The following CCNT1 variants were observed in gnomAD, a reference collection of about 807,000 sequenced individuals.
CCNT1 encodes cyclin T1.
In CCNT1, 18 loss-of-function variants were observed where a neutral mutation model predicts 67.3. The ratio of observed to expected loss-of-function variants is 0.27; its 90% CI spans 0.18 to 0.40. CCNT1 has a LOEUF of 0.40. Ranked by LOEUF, CCNT1 falls within the 10% of genes least tolerant of loss-of-function variation. The probability of loss-of-function intolerance (pLI) is 1.00; values close to 1 mark genes in which losing one functional copy is unlikely to be tolerated. For missense variants in CCNT1, 744 were observed against 884.9 expected (o/e 0.84, Z 2.02); for synonymous variants, 333 against 310.3 (o/e 1.07, Z -0.77).
At chr12:48,698,062 T>C in intron 6 of CCNT1, 76 bp downstream of exon 6, 1 of 851,738 alleles carries the variant, frequency 1.2e-6, no homozygotes, top group East Asian at 2.6e-5. Flanking sequence ...CAGAGAATTA[T>C]CTATAGCACA....
At position 48,690,650 on chromosome 12, in the gene CCNT1, C is replaced by T. The variant is rs1349619418; in HGVS notation, c.*2383G>A. 1.3e-5 allele frequency: 2 copies of T among 152,040 alleles called. No individual in the cohort carries two copies. Among genetic ancestry groups the T allele is most frequent in the East Asian group, 1.9e-4 (1 of 5,186 alleles). The allele number at this position is 152,040 out of a possible 1,614,324, so 9.4% of individuals were successfully genotyped here. On this transcript the variant is annotated 3_prime_UTR_variant, in exon 9 of 9. Coordinates refer to ENST00000261900, the MANE Select transcript of CCNT1 (RefSeq NM_001240.4). ...AGCAATGATCTACTAGTGCAAAGGC[C>T]GGACTACACGGCACAAAGCAACTCT...
chr12:48,699,860 G>A lies in CCNT1; in HGVS notation c.434-20C>T, dbSNP rs1258441015. ...CAAAGCCTTAAAAGAAAAAGTAATG[G>A]ATTAAAAAACTATTAAGAAGTTTAC... On this transcript the variant is annotated intron_variant, in intron 4 of 8. Transcript: ENST00000261900. 1.3e-6 allele frequency: 2 copies of A among 1,498,706 alleles called. No individual in the cohort carries two copies. The highest frequency in any genetic ancestry group is 2.3e-5 in the East Asian group (1 of 43,794). The allele number at this position is 1,498,706 out of a possible 1,614,324, so 92.8% of individuals were successfully genotyped here.
In CCNT1 at chr12:48,692,564, T is replaced by G. The variant is rs1367232259; in HGVS notation, c.*469A>C. On this transcript the variant is annotated 3_prime_UTR_variant, in exon 9 of 9. Coordinates refer to ENST00000261900, the MANE Select transcript of CCNT1 (RefSeq NM_001240.4). ...AAAATCCCTATCCCCTTCCCAATTA[T>G]ATAAAAAAACTAAACAGATAACTTA... is the stretch of plus-strand genomic sequence containing the variant. The G allele has an allele frequency of 6.4e-6, 1 of 155,454 alleles. No individual in the cohort carries two copies. The highest frequency in any genetic ancestry group is 1.9e-4 in the East Asian group (1 of 5,256). 9.6% of individuals were successfully genotyped at this position (155,454 alleles called of 1,614,324 possible). A position where few individuals can be genotyped will look rare whatever the true frequency, so the allele number is the denominator to read the frequency against.
Position 48,690,012 on chromosome 12 carries a change from G to A in CCNT1, c.*3021C>T, listed in dbSNP as rs1940047812. On this transcript the variant is annotated 3_prime_UTR_variant, in exon 9 of 9. Transcript: ENST00000261900. ...AAAAAGGAAGAAAAAAGAAGTTGAGGCTCTCTGATATGGACATACACTGAT... is the reference window on the plus strand; with the variant it reads ...AAAAAGGAAGAAAAAAGAAGTTGAGACTCTCTGATATGGACATACACTGAT... 6.6e-6 allele frequency: 1 copy of A among 152,138 alleles called. No individual in the cohort carries two copies. Among genetic ancestry groups the A allele is most frequent in the African/African-American group, 2.4e-5 (1 of 41,432 alleles). The allele number at this position is 152,138 out of a possible 1,614,324, so 9.4% of individuals were successfully genotyped here.
intron 6 of CCNT1, 84 bp downstream of exon 6, chr12:48,698,054 G>T: frequency 1.3e-6 from 1 of 761,920 alleles, no homozygotes; most frequent in Non-Finnish European, 2.0e-6. Flanking sequence ...ACATTCACCA[G>T]AGAATTATCT....
intron 2 of CCNT1, 40 bp from the exon 3 acceptor site, chr12:48,705,936 A>T: frequency 6.3e-7 from 1 of 1,583,036 alleles, no homozygotes; most frequent in South Asian, 1.1e-5. Context: ...TTATCAATTT[A>T]TTCATTCATA....
chr12:48,714,800 A>AT (rs1422723232), intron 1 of CCNT1, among the ~76,000 whole-genome samples: 2 of 152,222 alleles, frequency 1.3e-5, no homozygotes, highest in East Asian at 1.9e-4. Flanking sequence ...ATCTAGACAG[A>AT]TTTTTTTAAA....
chr12:48,701,928 G>C (rs181893877), intron 3 of CCNT1, among the ~76,000 whole-genome samples: 6 of 144,614 alleles, frequency 4.1e-5, no homozygotes, highest in Middle Eastern at 4.5e-3. Flanking sequence ...AGGGAGTCTC[G>C]CTCTGCTGCT....
At chr12:48,701,857 C>T (rs1940275149) in intron 3 of CCNT1, among the ~76,000 whole-genome samples, 1 of 152,032 alleles carries the variant, frequency 6.6e-6, no homozygotes, top group African/African-American at 2.4e-5. Flanking sequence ...CCGCCCACCT[C>T]GGCCTCCCAA....
chr12:48,712,565 G>C (rs1317078221), intron 2 of CCNT1, among the ~76,000 whole-genome samples: 4 of 115,534 alleles, frequency 3.5e-5, no homozygotes, highest in African/African-American at 6.8e-5. Flanking sequence ...TGCCCAGCAG[G>C]ATAATCTTTT....
chr12:48,706,044 A>C, intron 2 of CCNT1, 148 bp from the exon 3 acceptor site: 1 of 636,344 alleles, frequency 1.6e-6, no homozygotes, highest in Non-Finnish European at 2.6e-6. Flanking sequence ...CCCCGCTTCT[A>C]CCATCTTCCC....
intron 3 of CCNT1, 148 bp from the exon 4 acceptor site, chr12:48,701,221 T>A (rs1414980361): frequency 4.0e-5 from 3 of 74,542 alleles, no homozygotes; most frequent in East Asian, 1.1e-3. Context: ...TACAATCTTT[T>A]TTTTTTTTTT....
At chr12:48,715,884 C>A (rs1940525899) in intron 1 of CCNT1, among the ~76,000 whole-genome samples, 1 of 152,202 alleles carries the variant, frequency 6.6e-6, no homozygotes, top group South Asian at 2.1e-4. Context: ...AAACTAACAT[C>A]TTTCCTCTGA....
chr12:48,702,899 T>A lies in CCNT1; in HGVS notation c.373-1826A>T, dbSNP rs912272744. ...CTTTGGGAGGCCAGTATGGGAGGATTCTTTGAAGGCCAAGAGTTCAAGACC... is the reference window on the plus strand; with the variant it reads ...CTTTGGGAGGCCAGTATGGGAGGATACTTTGAAGGCCAAGAGTTCAAGACC... On this transcript the variant is annotated intron_variant, in intron 3 of 8. Coordinates refer to ENST00000261900, the MANE Select transcript of CCNT1 (RefSeq NM_001240.4). Among the ~76,000 whole-genome samples, 11 of 151,426 alleles carry A rather than the reference T, an allele frequency of 7.3e-5. No individual in the cohort carries two copies. The East Asian group carries it at 2.0e-3, about 27-fold the overall frequency.
At chr12:48,715,204 T>A (rs1432503497) in intron 1 of CCNT1, among the ~76,000 whole-genome samples, 2 of 152,202 alleles carry the variant, frequency 1.3e-5, no homozygotes, top group Non-Finnish European at 2.9e-5. Flanking sequence ...AACTCCATAC[T>A]GACAGGATGC....
In CCNT1 at chr12:48,693,913, G is replaced by A; in HGVS notation, c.1301C>T (p.Ser434Leu). Reference sequence around the variant, plus strand: ...CTCTATGGGCATTTTTAGAATGACTGAAGAATGGCTATCATGATGAGAAAG... The same window carrying A: ...CTCTATGGGCATTTTTAGAATGACTAAAGAATGGCTATCATGATGAGAAAG... The part of the protein sequence containing the change: ...NLLSHHDSHS[S>L]VILKMPIEGS... The change falls in exon 9 of 9, where the codon TCA (serine) becomes TTA (leucine). Residue 434 changes from serine (S) to leucine (L), a missense_variant. Ser to Leu is a moderately radical substitution (Grantham distance 145). Transcript: ENST00000261900. 1 of 1,614,116 alleles carries A rather than the reference G, an allele frequency of 6.2e-7. No homozygotes were observed. The highest frequency in any genetic ancestry group is 8.5e-7 in the Non-Finnish European group (1 of 1,180,048).
rs71705013 is a variant in CCNT1 at position 48,688,844 on chromosome 12, G to GA, written c.*4188dup. 1 of 151,916 alleles carries GA rather than the reference G, an allele frequency of 6.6e-6. No individual in the cohort carries two copies. The highest frequency in any genetic ancestry group is 1.5e-5 in the Non-Finnish European group (1 of 68,006). The allele number at this position is 151,916 out of a possible 1,614,324, so 9.4% of individuals were successfully genotyped here. The stretch of plus-strand genomic sequence containing the variant: ...TTCTTTTCGCTCTTTGGTCTGACAA[G>GA]AAAAGAGTTTTAGGTGTGTGAAGTA... On this transcript the variant is annotated 3_prime_UTR_variant, in exon 9 of 9. Coordinates refer to ENST00000261900, the MANE Select transcript of CCNT1 (RefSeq NM_001240.4).
intron 3 of CCNT1, 56 bp downstream of exon 3, chr12:48,705,712 G>GAA: frequency 7.1e-7 from 1 of 1,409,216 alleles, no homozygotes; most frequent in Non-Finnish European, 9.8e-7. Context: ...TGGGAGTAGG[G>GAA]AAAAAAAAAG....
rs1390278608 is a variant in CCNT1, at chr12:48,692,812, C to T, written c.*221G>A. The T allele has an allele frequency of 1.6e-5, 7 of 448,872 alleles. No individual in the cohort carries two copies. The highest frequency in any genetic ancestry group is 2.8e-5 in the Non-Finnish European group (7 of 251,924). 27.8% of individuals were successfully genotyped at this position (448,872 alleles called of 1,614,324 possible). A position where few individuals can be genotyped will look rare whatever the true frequency, so the allele number is the denominator to read the frequency against. ...CCTTAATCCTTCACAGCTTCAACAC[C>T]TCTCTAATACCAGTAAAAACTGTAA... is the stretch of plus-strand genomic sequence containing the variant. On this transcript the variant is annotated 3_prime_UTR_variant, in exon 9 of 9. Coordinates refer to ENST00000261900, the MANE Select transcript of CCNT1 (RefSeq NM_001240.4).
Sources: gnomAD v4.1 joint callset for allele counts (sites outside exome capture counted in the v4.1 genomes callset) on GRCh38, gnomAD v4.1.1 for gene constraint, MANE v1.5 for transcripts, NCBI Gene and HGNC (gene_info 2026-07-23, HGNC 2026-07-21) for gene names.